Variants in CIPC observed in about 807,000 individuals in gnomAD.
CIPC encodes the protein CLOCK interacting pacemaker.
Under a neutral mutation model 26.7 loss-of-function variants are expected in CIPC, and 12 were observed. The observed-to-expected ratio is 0.45, with a 90% CI of 0.29 to 0.73. The LOEUF (loss-of-function observed/expected upper bound fraction) is 0.73. Among genes scored for constraint, CIPC ranks in the 30% least tolerant of loss-of-function variants. The pLI is 0.12. For missense variants in CIPC, 417 were observed against 486.5 expected (o/e 0.86, Z 1.34); for synonymous variants, 170 against 189.8 (o/e 0.90, Z 0.86).
chr14:77,099,265 C>T (rs1886426877), intron 1 of CIPC: 1 of 152,248 alleles, frequency 6.6e-6, no homozygotes, highest in South Asian at 2.1e-4. Context: ...TCTCTAAGCT[C>T]ATCTCCCCTT....
rs1317719226 is a variant in CIPC, at chr14:77,113,470, T to A, written c.352T>A (p.Phe118Ile). 1.2e-6 allele frequency: 2 copies of A among 1,614,202 alleles called. No homozygotes were observed. Among genetic ancestry groups the A allele is most frequent in the South Asian group, 2.2e-5 (2 of 91,082 alleles). Residue 118 changes from phenylalanine to isoleucine, a missense_variant, in exon 4 of 4, where the codon TTT becomes ATT. Phe to Ile is a conservative substitution (Grantham distance 21). Transcript: ENST00000361786. Reference sequence around the variant, plus strand: ...CCAGTCGTGGACTGTCCAGCCCTCCTTTGAAGTGATCTCAGCACAGCCACA... The same window carrying A: ...CCAGTCGTGGACTGTCCAGCCCTCCATTGAAGTGATCTCAGCACAGCCACA... ...QLQSWTVQPS[F>I]EVISAQPQLL... is the part of the protein sequence containing the mutation.
intron 1 of CIPC, chr14:77,099,958 T>C (rs927070901): frequency 1.3e-5 from 2 of 152,194 alleles, no homozygotes; most frequent in African/African-American, 4.8e-5. Flanking sequence ...TTCAAGCTGT[T>C]CAGGTATTTC....
rs1886660217 is a variant in CIPC at position 77,109,869 on chromosome 14, G to A, written c.194G>A (p.Ser65Asn). ...CAGATGGAGTCCGAGGACATGCTGAGCGCCTTAGGCTGGAGCAGAGAAGAC... is the reference window on the plus strand; with the variant it reads ...CAGATGGAGTCCGAGGACATGCTGAACGCCTTAGGCTGGAGCAGAGAAGAC... ...AEQMESEDML[S>N]ALGWSREDRP... Residue 65 changes from serine to asparagine, a missense_variant, in exon 3 of 4, where the codon AGC becomes AAC. Physicochemically the swap from Ser to Asn is conservative, Grantham distance 46. Coordinates refer to ENST00000361786, the MANE Select transcript of CIPC (RefSeq NM_033426.3). The A allele has an allele frequency of 6.2e-7, 1 of 1,614,226 alleles. No individual in the cohort carries two copies. The highest frequency in any genetic ancestry group is 8.5e-7 in the Non-Finnish European group (1 of 1,180,044).
Position 77,116,699 on chromosome 14 carries a change from G to T in CIPC, c.*2381G>T, listed in dbSNP as rs1594824409. 1 of 152,304 alleles carries T rather than the reference G, an allele frequency of 6.6e-6. No homozygotes were observed. The highest frequency in any genetic ancestry group is 1.9e-4 in the East Asian group (1 of 5,184). 9.4% of individuals were successfully genotyped at this position (152,304 alleles called of 1,614,324 possible). ...CTCCAGGCTATTACCATGGGCATTT[G>T]TTCTCTGTTGGAGCTGTAAGCAGAT... is the stretch of plus-strand genomic sequence containing the variant. On this transcript the variant is annotated 3_prime_UTR_variant, in exon 4 of 4. Transcript: ENST00000361786.
chr14:77,114,450 C>G lies in CIPC; in HGVS notation c.*132C>G. 1 of 960,080 alleles carries G rather than the reference C, an allele frequency of 1.0e-6. No homozygotes were observed. The highest frequency in any genetic ancestry group is 1.6e-6 in the Non-Finnish European group (1 of 642,100). 59.5% of individuals were successfully genotyped at this position (960,080 alleles called of 1,614,324 possible). A position where few individuals can be genotyped will look rare whatever the true frequency, so the allele number is the denominator to read the frequency against. ...ACTGTGTTGTGGTTCACTTAGGAAGCCACGTGCCAATACCTGGCTGCTGTC... is the reference window on the plus strand; with the variant it reads ...ACTGTGTTGTGGTTCACTTAGGAAGGCACGTGCCAATACCTGGCTGCTGTC... On this transcript the variant is annotated 3_prime_UTR_variant, in exon 4 of 4. Transcript: ENST00000361786.
At chr14:77,104,446 C>G (rs1410238689) in intron 1 of CIPC, among the ~76,000 whole-genome samples, 1 of 152,210 alleles carries the variant, frequency 6.6e-6, no homozygotes, top group Admixed American at 6.5e-5. Flanking sequence ...TAAAATTCTT[C>G]CATGGCTTCC....
At position 77,117,008 on chromosome 14, in the gene CIPC, T is replaced by C. The variant is rs141144203; in HGVS notation, c.*2690T>C. On this transcript the variant is annotated 3_prime_UTR_variant, in exon 4 of 4. Transcript: ENST00000361786. ...ATTGAAATATATATAGAAAAGTTGC[T>C]GATTGCAATGGTTATGGGAATGGAA... 2 of 152,262 alleles carry C rather than the reference T, an allele frequency of 1.3e-5. No homozygotes were observed. Among genetic ancestry groups the C allele is most frequent in the Admixed American group, 6.5e-5 (1 of 15,284 alleles). The allele number at this position is 152,262 out of a possible 1,614,324, so 9.4% of individuals were successfully genotyped here.
At chr14:77,103,107 A>G (rs1350154094) in intron 1 of CIPC, among the ~76,000 whole-genome samples, 1 of 152,232 alleles carries the variant, frequency 6.6e-6, no homozygotes, top group Non-Finnish European at 1.5e-5. Context: ...TGTCAGTTGA[A>G]TGAGGAAGCC....
intron 3 of CIPC, among the ~76,000 whole-genome samples, chr14:77,110,889 G>C (rs1368851791): frequency 1.3e-5 from 2 of 152,152 alleles, no homozygotes; most frequent in African/African-American, 2.4e-5. Context: ...GCTTTAACTT[G>C]ACAGGAAATC....
rs1886761442 is a variant in CIPC at position 77,114,166 on chromosome 14, C to T, written c.1048C>T (p.Leu350=). ...TCAGAATCAGGCAACTCAGGTAGAA[C>T]TAGACCAGCTAAAGGAGCAAACCCA... is the stretch of plus-strand genomic sequence containing the variant. ...IRQNQATQVE[L]DQLKEQTQLF... is the part of the protein sequence containing the mutation. The change falls in exon 4 of 4, where the codon CTA becomes TTA. Residue 350 remains leucine, a synonymous_variant. Coordinates refer to ENST00000361786, the MANE Select transcript of CIPC (RefSeq NM_033426.3). 1 of 1,614,158 alleles carries T rather than the reference C, an allele frequency of 6.2e-7. No homozygotes were observed. Among genetic ancestry groups the T allele is most frequent in the East Asian group, 2.2e-5 (1 of 44,884 alleles).
chr14:77,108,697 A>G (rs1594821328), intron 2 of CIPC, among the ~76,000 whole-genome samples: 1 of 152,132 alleles, frequency 6.6e-6, no homozygotes, highest in Non-Finnish European at 1.5e-5. Context: ...GTCTCAAAAA[A>G]AAAAAGGGGG....
intron 2 of CIPC, 131 bp from the exon 3 acceptor site, chr14:77,109,678 CCTT>C (rs1170394396): frequency 4.3e-6 from 3 of 702,948 alleles, no homozygotes; most frequent in Non-Finnish European, 6.9e-6. Flanking sequence ...CTAAAAGCCT[CCTT>C]CTCAATAAAA....
rs1017987236 is a variant in CIPC, at chr14:77,111,191, T to C, written c.306+1210T>C. ...CTGGCTTCCTTGTCCCTTTCTTGTG[T>C]CTGTGTTTATATCCCTTCTTTGTTG... On this transcript the variant is annotated intron_variant, in intron 3 of 3. Transcript: ENST00000361786. Among the ~76,000 whole-genome samples, 29 of 152,338 alleles carry C rather than the reference T, an allele frequency of 1.9e-4. 1 individual carries two copies. The highest frequency in any genetic ancestry group is 1.6e-3 in the Admixed American group (24 of 15,308).
chr14:77,104,475 A>G (rs1387694963), intron 1 of CIPC, among the ~76,000 whole-genome samples: 1 of 152,232 alleles, frequency 6.6e-6, no homozygotes, highest in Admixed American at 6.5e-5. Flanking sequence ...TTAAGTTAAT[A>G]TCTAAAATCC....
At position 77,109,949 on chromosome 14, in the gene CIPC, A is replaced by G. The variant is rs112189907; in HGVS notation, c.274A>G (p.Met92Val). 8 of 1,614,094 alleles carry G rather than the reference A, an allele frequency of 5.0e-6. No individual in the cohort carries two copies. Among genetic ancestry groups the G allele is most frequent in the Admixed American group, 1.7e-5 (1 of 60,012 alleles). Residue 92 changes from methionine to valine, a missense_variant, in exon 3 of 4, where the codon ATG becomes GTG. Met to Val is a conservative substitution (Grantham distance 21). Coordinates refer to ENST00000361786, the MANE Select transcript of CIPC (RefSeq NM_033426.3). ...GAATGCCTTCCCTACCCTGTCTCCC[A>G]TGGTCGTCATGAAGAATGTGCTTGT... ...AKNAFPTLSP[M>V]VVMKNVLVKQ...
chr14:77,106,837 G>A (rs909954527), intron 2 of CIPC, among the ~76,000 whole-genome samples: 1 of 152,200 alleles, frequency 6.6e-6, no homozygotes, highest in Non-Finnish European at 1.5e-5. Flanking sequence ...CCAACCAAGG[G>A]ATTAGATTAA....
chr14:77,114,576 T>C lies in CIPC; in HGVS notation c.*258T>C. On this transcript the variant is annotated 3_prime_UTR_variant, in exon 4 of 4. Coordinates refer to ENST00000361786, the MANE Select transcript of CIPC (RefSeq NM_033426.3). ...CCCTTTTCCTTAGCCTGCAGGTGCT[T>C]CAATGGATCATGGGGCAAAGCAGGA... 2.3e-6 allele frequency: 1 copy of C among 425,746 alleles called. No individual in the cohort carries two copies. Among genetic ancestry groups the C allele is most frequent in the African/African-American group, 2.0e-5 (1 of 50,798 alleles). The allele number at this position is 425,746 out of a possible 1,614,324, so 26.4% of individuals were successfully genotyped here.
intron 1 of CIPC, among the ~76,000 whole-genome samples, chr14:77,100,240 C>CTTTTTTTTTTTT (rs57785837): frequency 2.3e-5 from 3 of 130,522 alleles, no homozygotes; most frequent in African/African-American, 5.8e-5. Context: ...TTCTTTCTTT[C>CTTTTTTTTTTTT]TTTTTTTTTT....
intron 2 of CIPC, among the ~76,000 whole-genome samples, chr14:77,108,147 C>A (rs1333893696): frequency 3.3e-5 from 5 of 152,110 alleles, no homozygotes; most frequent in African/African-American, 1.2e-4. Flanking sequence ...TGTATCCTTC[C>A]CATTGCAACA....
Sources: allele counts gnomAD v4.1 joint callset (sites outside exome capture counted in the v4.1 genomes callset), GRCh38; gene constraint gnomAD v4.1.1; transcripts MANE v1.5; gene names NCBI Gene and HGNC (gene_info 2026-07-23, HGNC 2026-07-21).